Variants in AHNAK2 observed in about 807,000 individuals in gnomAD.
AHNAK2 encodes protein AHNAK2.
Under a neutral mutation model 30.7 loss-of-function variants are expected in AHNAK2, and 18 were observed. The ratio of observed to expected loss-of-function variants is 0.59; its 90% CI spans 0.41 to 0.87. The LOEUF (loss-of-function observed/expected upper bound fraction) is 0.87, where lower values mean the gene tolerates loss of function less well. Among genes scored for constraint, AHNAK2 ranks in the 40% least tolerant of loss-of-function variants. The pLI, the probability that AHNAK2 is intolerant of heterozygous loss-of-function variation, is 0.00. For synonymous variants in AHNAK2, 3,590 were observed against 3,073.8 expected (o/e 1.17, Z -5.56); for missense variants, 8,604 against 7,373.0 (o/e 1.17, Z -6.11).
intron 3 of AHNAK2, 82 bp downstream of exon 3, chr14:104,957,327 TG>T (rs1899004024): frequency 7.6e-7 from 1 of 1,316,858 alleles, no homozygotes; most frequent in Non-Finnish European, 1.0e-6. Flanking sequence ...GCAGCAAGGT[TG>T]AACAGACATG....
chr14:104,965,734 G>A (rs1346487868), intron 1 of AHNAK2, among the ~76,000 whole-genome samples: 3 of 152,212 alleles, frequency 2.0e-5, no homozygotes, highest in Non-Finnish European at 4.4e-5. Context: ...TGTCCCCTGC[G>A]GTAGGTGTCC....
rs1268132323 is a variant in AHNAK2, at chr14:104,941,891, C to G, written c.13560G>C (p.Leu4520=). The change falls in exon 7 of 7, where the codon CTG becomes CTC. Residue 4520 remains leucine (L), a synonymous_variant. Coordinates refer to ENST00000333244, the MANE Select transcript of AHNAK2 (RefSeq NM_138420.4). ...DLRIQAPSAD[L]EVQAGQVDLK... is the part of the protein sequence containing the mutation. ...AGTCCACCTGGCCAGCCTGGACCTC[C>G]AGGTCGGCGGAAGGGGCCTGAATGC... is the stretch of plus-strand genomic sequence containing the variant. 5 of 1,613,494 alleles carry G rather than the reference C, an allele frequency of 3.1e-6. No individual in the cohort carries two copies. Among genetic ancestry groups the G allele is most frequent in the Non-Finnish European group, 3.4e-6 (4 of 1,179,704 alleles).
rs751209190 is a variant in AHNAK2 at position 104,948,106 on chromosome 14, C to G, written c.7345G>C (p.Val2449Leu). The change falls in exon 7 of 7, where the codon GTG (valine) becomes CTG (leucine). Residue 2449 changes from valine (V) to leucine (L), a missense_variant. Coordinates refer to ENST00000333244, the MANE Select transcript of AHNAK2 (RefSeq NM_138420.4). Reference sequence around the variant, plus strand: ...CCCGGGGCCTCGACATCCACCTCCACGCTGGGCTGAGACACCTCCACGTCG... The same window carrying G: ...CCCGGGGCCTCGACATCCACCTCCAGGCTGGGCTGAGACACCTCCACGTCG... ...APDVEVSQPS[V>L]EVDVEAPGAK... 6.2e-7 allele frequency: 1 copy of G among 1,611,796 alleles called. No homozygotes were observed. The highest frequency in any genetic ancestry group is 1.1e-5 in the South Asian group (1 of 91,010).
intron 4 of AHNAK2, 116 bp downstream of exon 4, chr14:104,956,472 C>T (rs908910763): frequency 2.6e-5 from 27 of 1,026,222 alleles, no homozygotes; most frequent in East Asian, 1.2e-4. Context: ...CCCCAGGGCA[C>T]GGGGCACACT....
rs1311306328 is a variant in AHNAK2 at position 104,943,705 on chromosome 14, T to G, written c.11746A>C (p.Lys3916Gln). ...IDIKGPKLDLKDPKVEVTAPD... is the reference protein window; with the variant it reads ...IDIKGPKLDLQDPKVEVTAPD... ...GCTGTCACTTCCACCTTGGGGTCTT[T>G]TAGGTCCAGCTTGGGGCCCTTGATG... Residue 3916 changes from lysine (K) to glutamine (Q), a missense_variant, in exon 7 of 7, where the codon AAA becomes CAA. Physicochemically the swap from Lys to Gln is moderately conservative, Grantham distance 53. Transcript: ENST00000333244. 4 of 1,612,682 alleles carry G rather than the reference T, an allele frequency of 2.5e-6. No homozygotes were observed. Among genetic ancestry groups the G allele is most frequent in the Non-Finnish European group, 3.4e-6 (4 of 1,179,496 alleles).
chr14:104,973,203 C>T (rs937117474), intron 1 of AHNAK2, among the ~76,000 whole-genome samples: 4 of 152,222 alleles, frequency 2.6e-5, no homozygotes, highest in Admixed American at 6.5e-5. Flanking sequence ...CTAGGCCATC[C>T]GGCATGTCCC....
In AHNAK2 at chr14:104,947,876, G is replaced by A. The variant is rs748602589; in HGVS notation, c.7575C>T (p.Asp2525=). Residue 2525 remains aspartate, a synonymous_variant, in exon 7 of 7, where the codon GAC becomes GAT. Coordinates refer to ENST00000333244, the MANE Select transcript of AHNAK2 (RefSeq NM_138420.4). ...ADGSLSSMQG[D]LKATDLSIQP... The stretch of plus-strand genomic sequence containing the variant: ...GAATGCTGAGGTCAGTGGCCTTGAG[G>A]TCCCCCTGCATGGAGGAGAGGCTCC... 17 of 1,612,376 alleles carry A rather than the reference G, an allele frequency of 1.1e-5. No homozygotes were observed. In the East Asian group the frequency reaches 3.1e-4, roughly 30 times the overall value.
chr14:104,969,323 A>C (rs1899405217), intron 1 of AHNAK2, among the ~76,000 whole-genome samples: 1 of 152,212 alleles, frequency 6.6e-6, no homozygotes, highest in Admixed American at 6.5e-5. Flanking sequence ...TCCATCGGTC[A>C]GACTGGCCTG....
Position 104,948,276 on chromosome 14 carries a change from G to T in AHNAK2, c.7175C>A (p.Pro2392Gln), listed in dbSNP as rs778113710. Residue 2392 changes from proline to glutamine, a missense_variant, in exon 7 of 7, where the codon CCG (proline) becomes CAG (glutamine). Pro to Gln is a moderately conservative substitution (Grantham distance 76). Transcript: ENST00000333244. Reference protein sequence around the residue: ...VDVKLPEGPVPEGAGLKGHLP... With the variant: ...VDVKLPEGPVQEGAGLKGHLP... ...GTGCCCTTTGAGGCCGGCTCCCTCC[G>T]GCACGGGGCCCTCTGGGAGTTTCAC... is the stretch of plus-strand genomic sequence containing the variant. The T allele has an allele frequency of 3.0e-5, 49 of 1,612,314 alleles. No individual in the cohort carries two copies. Among genetic ancestry groups the T allele is most frequent in the Non-Finnish European group, 4.1e-5 (48 of 1,179,592 alleles).
Position 104,944,110 on chromosome 14 carries a change from C to G in AHNAK2, c.11341G>C (p.Asp3781His). The G allele has an allele frequency of 6.2e-7, 1 of 1,613,362 alleles. No homozygotes were observed. The highest frequency in any genetic ancestry group is 1.1e-5 in the South Asian group (1 of 91,038). The change falls in exon 7 of 7, where the codon GAT becomes CAT. Residue 3781 changes from aspartate to histidine, a missense_variant. Transcript: ENST00000333244. ...VDVQAPRAKL[D>H]SAQLEGDLSL... The stretch of plus-strand genomic sequence containing the variant: ...AGGTCCCCCTCCAGCTGTGCACTAT[C>G]CAGTTTGGCTCTTGGGGCCTGGACG...
rs199552265 is a variant in AHNAK2, at chr14:104,947,362, T to G, written c.8089A>C (p.Ser2697Arg). The stretch of plus-strand genomic sequence containing the variant: ...AGTTGGGCAGAGGGGGGCTGAATGC[T>G]GATGTCAGTGGTCTTAAGGTCCCCT... ...MQGDLKTTDISIQPPSAQLEV... is the reference protein window; with the variant it reads ...MQGDLKTTDIRIQPPSAQLEV... The change falls in exon 7 of 7, where the codon AGC (serine) becomes CGC (arginine). Residue 2697 changes from serine (S) to arginine (R), a missense_variant. Transcript: ENST00000333244. 3.5e-4 allele frequency: 569 copies of G among 1,611,540 alleles called. 2 individuals are homozygous for G. The highest frequency in any genetic ancestry group is 4.5e-4 in the Non-Finnish European group (533 of 1,179,118).
At chr14:104,955,987 C>A (rs145151929) in intron 4 of AHNAK2, among the ~76,000 whole-genome samples, 2 of 152,310 alleles carry the variant, frequency 1.3e-5, no homozygotes, top group East Asian at 3.9e-4. Context: ...TCTTCACAAA[C>A]GCGTGAAGCA....
At position 104,947,978 on chromosome 14, in the gene AHNAK2, C is replaced by A. The variant is rs201552208; in HGVS notation, c.7473G>T (p.Pro2491=). 4 of 1,610,998 alleles carry A rather than the reference C, an allele frequency of 2.5e-6. No individual in the cohort carries two copies. Among genetic ancestry groups the A allele is most frequent in the Admixed American group, 1.7e-5 (1 of 59,794 alleles). Residue 2491 remains proline, a synonymous_variant, in exon 7 of 7, where the codon CCG becomes CCT. Coordinates refer to ENST00000333244, the MANE Select transcript of AHNAK2 (RefSeq NM_138420.4). ...SRFKIPKFKM[P]SFGVSAPGKS... ...TGCCTGGGGCAGACACCCCGAATGA[C>A]GGCATCTTGAACTTGGGAATTTTGA...
chr14:104,939,567 G>A lies in AHNAK2; in HGVS notation c.15884C>T (p.Ser5295Phe). The A allele has an allele frequency of 6.2e-7, 1 of 1,613,876 alleles. No homozygotes were observed. Among genetic ancestry groups the A allele is most frequent in the Non-Finnish European group, 8.5e-7 (1 of 1,179,904 alleles). The change falls in exon 7 of 7, where the codon TCT becomes TTT. Residue 5295 changes from serine to phenylalanine, a missense_variant. Physicochemically the swap from Ser to Phe is radical, Grantham distance 155. Transcript: ENST00000333244. ...AGMTGDELST[S>F]EVRIHPSKGP... Reference sequence around the variant, plus strand: ...TTTGGATGGATGGATCCTGACCTCAGAAGTGGAAAGCTCATCCCCAGTCAT... The same window carrying A: ...TTTGGATGGATGGATCCTGACCTCAAAAGTGGAAAGCTCATCCCCAGTCAT...
rs201414648 is a variant in AHNAK2, at chr14:104,944,561, G to A, written c.10890C>T (p.Asp3630=). ...LEGDLSLADK[D]VTAKDSKFKM... is the part of the protein sequence containing the mutation. ...TGAACTTGCTGTCTTTGGCAGTCAC[G>A]TCCTTGTCAGCCAGGGACAGGTCTC... Residue 3630 remains aspartate (D), a synonymous_variant, in exon 7 of 7, where the codon GAC becomes GAT. Transcript: ENST00000333244. 1,292 of 1,607,738 alleles carry A rather than the reference G, an allele frequency of 8.0e-4. 22 individuals are homozygous for A. In the African/African-American group the frequency reaches 0.016, roughly 20 times the overall value.
intron 1 of AHNAK2, among the ~76,000 whole-genome samples, chr14:104,972,929 G>T (rs1406022653): frequency 6.6e-6 from 1 of 152,234 alleles, no homozygotes; most frequent in Non-Finnish European, 1.5e-5. Context: ...CTGGCTCAGG[G>T]GGCCACTTAC....
At position 104,966,842 on chromosome 14, in the gene AHNAK2, G is replaced by A. The variant is rs1390782094; in HGVS notation, c.56-9170C>T. On this transcript the variant is annotated intron_variant, in intron 1 of 6. Coordinates refer to ENST00000333244, the MANE Select transcript of AHNAK2 (RefSeq NM_138420.4). This position sits in a 1 kb window ranked among gnomAD's most constrained non-coding sequence, Gnocchi z 4.3. ...TGCCCACCGCTAAGCCAAGGGCAAT[G>A]GCAGGTAAGCCACTCTCTGGCCTCA... Among the ~76,000 whole-genome samples the A allele has an allele frequency of 6.6e-6, 1 of 152,248 alleles. No individual in the cohort carries two copies. Among genetic ancestry groups the A allele is most frequent in the African/African-American group, 2.4e-5 (1 of 41,472 alleles).
Position 104,940,486 on chromosome 14 carries a change from C to T in AHNAK2, c.14965G>A (p.Val4989Ile). ...GGGGCCACTTCATCCTTGTCTAAAACCAGGCTGAGTTTTGAGTCCTCCACG... is the reference window on the plus strand; with the variant it reads ...GGGGCCACTTCATCCTTGTCTAAAATCAGGCTGAGTTTTGAGTCCTCCACG... ...CSVEDSKLSL[V>I]LDKDEVAPQS... Residue 4989 changes from valine to isoleucine, a missense_variant, in exon 7 of 7, where the codon GTT becomes ATT. Transcript: ENST00000333244. The surrounding 1 kb of genome is among the most constrained non-coding windows in gnomAD (Gnocchi z 4.4). 1 of 1,613,806 alleles carries T rather than the reference C, an allele frequency of 6.2e-7. No individual in the cohort carries two copies. Among genetic ancestry groups the T allele is most frequent in the Non-Finnish European group, 8.5e-7 (1 of 1,179,894 alleles).
In AHNAK2 at chr14:104,954,241, G is replaced by T. The variant is rs761668308; in HGVS notation, c.1210C>A (p.Leu404Ile). 2.5e-6 allele frequency: 4 copies of T among 1,612,370 alleles called. No individual in the cohort carries two copies. The South Asian group carries it at 3.3e-5, about 13-fold the overall frequency. ...CCTTCCTGAGGGGTTCCCTCGCAAA[G>T]TCTAGGGTCACCGAGCTCTGTGGGC... ...PLPTELGDPRLCEGTPQEGGL... is the reference protein window; with the variant it reads ...PLPTELGDPRICEGTPQEGGL... The change falls in exon 7 of 7, where the codon CTT becomes ATT. Residue 404 changes from leucine (L) to isoleucine (I), a missense_variant. By Grantham distance (5) the Leu-to-Ile change is conservative (BLOSUM62 2). Coordinates refer to ENST00000333244, the MANE Select transcript of AHNAK2 (RefSeq NM_138420.4). The surrounding 1 kb of genome is among the most constrained non-coding windows in gnomAD (Gnocchi z 4.3).
Sources: allele counts gnomAD v4.1 joint callset (sites outside exome capture counted in the v4.1 genomes callset), GRCh38; gene constraint gnomAD v4.1.1; non-coding constraint Gnocchi (gnomAD v3.1); transcripts MANE v1.5; gene names NCBI Gene and HGNC (gene_info 2026-07-23, HGNC 2026-07-21).